Variants in CSGALNACT1 observed in about 807,000 individuals in gnomAD.
The protein encoded by CSGALNACT1 is chondroitin sulfate N-acetylgalactosaminyltransferase 1, also known as beta4GalNAcT-1.
Under a neutral mutation model 51.0 loss-of-function variants are expected in CSGALNACT1, and 52 were observed. The ratio of observed to expected loss-of-function variants is 1.02; its 90% confidence interval spans 0.82 to 1.29. The LOEUF (loss-of-function observed/expected upper bound fraction) is 1.29. Among genes scored for constraint, CSGALNACT1 ranks in the 50% most tolerant of loss-of-function variants. The pLI is 0.00. For synonymous variants in CSGALNACT1, 341 were observed against 254.4 expected (o/e 1.34, Z -3.24); for missense variants, 935 against 679.2 (o/e 1.38, Z -4.19).
chr8:19,668,238 C>G (rs1057468517), intron 1 of CSGALNACT1, among the ~76,000 whole-genome samples: 1 of 152,086 alleles, frequency 6.6e-6, no homozygotes, highest in African/African-American at 2.4e-5. Context: ...TAATTGCACC[C>G]TCATCTCTGC....
intron 1 of CSGALNACT1, among the ~76,000 whole-genome samples, chr8:19,620,448 A>G (rs114980136): frequency 0.026 from 3,442 of 133,032 alleles, 153 homozygotes; most frequent in African/African-American, 0.096. Context: ...TTTTTTCTTG[A>G]GAAAGGGTCT....
At chr8:19,414,282 G>C (rs1171166437) in intron 8 of CSGALNACT1, among the ~76,000 whole-genome samples, 2 of 152,154 alleles carry the variant, frequency 1.3e-5, no homozygotes, top group Non-Finnish European at 2.9e-5. Context: ...GGCAGAGGGT[G>C]AACAAAAAAC....
At chr8:19,461,555 C>G (rs1450986970) in intron 4 of CSGALNACT1, among the ~76,000 whole-genome samples, 1 of 147,976 alleles carries the variant, frequency 6.8e-6, no homozygotes, top group Non-Finnish European at 1.5e-5. Context: ...CCATGGGGGG[C>G]GTATCCGCAC....
At chr8:19,532,034 T>G (rs1471129991) in intron 3 of CSGALNACT1, 1 of 152,142 alleles carries the variant, frequency 6.6e-6, no homozygotes, top group Admixed American at 6.6e-5. Context: ...CTAAGGAAAA[T>G]AGTCCTGACA....
intron 4 of CSGALNACT1, among the ~76,000 whole-genome samples, chr8:19,464,396 G>C (rs958531822): frequency 7.2e-5 from 11 of 152,066 alleles, no homozygotes; most frequent in Non-Finnish European, 1.6e-4. Flanking sequence ...ATAAAGTATC[G>C]ATACCACAGT....
intron 3 of CSGALNACT1, among the ~76,000 whole-genome samples, chr8:19,579,932 G>A (rs1393569863): frequency 6.6e-6 from 1 of 152,214 alleles, no homozygotes; most frequent in African/African-American, 2.4e-5. Context: ...GGAAAGGACA[G>A]AAAGGAGGAG....
At chr8:19,529,131 G>C (rs149955617) in intron 3 of CSGALNACT1, among the ~76,000 whole-genome samples, 1 of 152,292 alleles carries the variant, frequency 6.6e-6, no homozygotes, top group African/African-American at 2.4e-5. Flanking sequence ...CTGCAACAAA[G>C]CTCGGTGAGT....
intron 1 of CSGALNACT1, among the ~76,000 whole-genome samples, chr8:19,692,294 G>A (rs1160304401): frequency 6.6e-6 from 1 of 152,196 alleles, no homozygotes; most frequent in African/African-American, 2.4e-5. Flanking sequence ...AAGGGGCTGG[G>A]AGAGCCTCCT....
At chr8:19,441,638 C>T (rs139102721) in intron 5 of CSGALNACT1, among the ~76,000 whole-genome samples, 17,480 of 152,188 alleles carry the variant, frequency 0.11, 1,129 homozygotes, top group Middle Eastern at 0.16. Context: ...CTAGACAATA[C>T]GATTCAGGAC....
At chr8:19,598,713 T>C (rs1487056520) in intron 2 of CSGALNACT1, among the ~76,000 whole-genome samples, 1 of 152,066 alleles carries the variant, frequency 6.6e-6, no homozygotes, top group Non-Finnish European at 1.5e-5. Context: ...ATCACCAAAA[T>C]GGGAAAGGAA....
At chr8:19,647,299 C>T (rs939463241) in intron 1 of CSGALNACT1, among the ~76,000 whole-genome samples, 1 of 152,164 alleles carries the variant, frequency 6.6e-6, no homozygotes, top group Non-Finnish European at 1.5e-5. Context: ...TCCCTGTATT[C>T]CCAACACTGT....
chr8:19,491,736 T>A (rs568272029), intron 4 of CSGALNACT1, among the ~76,000 whole-genome samples: 1 of 152,232 alleles, frequency 6.6e-6, no homozygotes, highest in Non-Finnish European at 1.5e-5. Flanking sequence ...CAAAGCAAGG[T>A]CTTTTCACAT....
intron 1 of CSGALNACT1, among the ~76,000 whole-genome samples, chr8:19,733,195 T>C (rs1417090229): frequency 6.6e-6 from 1 of 152,194 alleles, no homozygotes; most frequent in African/African-American, 2.4e-5. Context: ...TAGCAGTGCT[T>C]TATATGGAAG....
intron 6 of CSGALNACT1, among the ~76,000 whole-genome samples, chr8:19,430,453 G>A (rs553816583): frequency 4.5e-4 from 69 of 152,226 alleles, no homozygotes; most frequent in Admixed American, 8.5e-4. Flanking sequence ...TCCCAGAACC[G>A]TTCTTAAAAA....
intron 4 of CSGALNACT1, among the ~76,000 whole-genome samples, chr8:19,478,153 G>A (rs996756178): frequency 9.9e-5 from 15 of 152,046 alleles, no homozygotes; most frequent in South Asian, 2.1e-4. Context: ...GGTGGCTCAC[G>A]CCTGTAATCT....
intron 1 of CSGALNACT1, among the ~76,000 whole-genome samples, chr8:19,666,894 G>A (rs114134641): frequency 0.15 from 16,062 of 104,972 alleles, 2,149 homozygotes; most frequent in East Asian, 0.35. Flanking sequence ...AGAGAGAGAG[G>A]AAGTGAGGAA....
chr8:19,508,426 C>G (rs2154004672), intron 3 of CSGALNACT1, among the ~76,000 whole-genome samples: 1 of 152,310 alleles, frequency 6.6e-6, no homozygotes, highest in South Asian at 2.1e-4. Context: ...GAACAACACA[C>G]AGTTATTAGT....
chr8:19,590,354 G>C (rs1421884046), intron 3 of CSGALNACT1, among the ~76,000 whole-genome samples: 1 of 152,170 alleles, frequency 6.6e-6, no homozygotes, highest in Admixed American at 6.5e-5. Flanking sequence ...ACATCATACA[G>C]TCAACATTAG....
At chr8:19,683,673 G>T (rs2060795259), upstream of CSGALNACT1, among the ~76,000 whole-genome samples, 1 of 152,120 alleles carries the variant, frequency 6.6e-6, no homozygotes. Context: ...TTATTATATA[G>T]ATCTCAAGTC....
Sources: gnomAD v4.1 joint callset for allele counts (sites outside exome capture counted in the v4.1 genomes callset) on GRCh38, gnomAD v4.1.1 for gene constraint, MANE v1.5 for transcripts, NCBI Gene and HGNC (gene_info 2026-07-23, HGNC 2026-07-21) for gene names.